Variants in GABRG3 observed in about 807,000 individuals in gnomAD.
The protein encoded by GABRG3 is gamma-aminobutyric acid receptor subunit gamma-3.
GABRG3 carries 25 observed loss-of-function variants against 48.8 expected under a neutral mutation model. That is an observed-to-expected ratio of 0.51 (90% CI 0.37 to 0.72). The LOEUF is 0.72. Among genes scored for constraint, GABRG3 ranks in the 30% least tolerant of loss-of-function variants. GABRG3 has a pLI of 0.00. For synonymous variants in GABRG3, 227 were observed against 217.6 expected, an observed-to-expected ratio of 1.04 and a Z score of -0.38; for missense variants, 394 against 577.9, an observed-to-expected ratio of 0.68 and a Z score of 3.26.
chr15:27,010,701 C>A (rs141781777), intron 2 of GABRG3, among the ~76,000 whole-genome samples: 49 of 152,260 alleles, frequency 3.2e-4, no homozygotes, highest in African/African-American at 1.2e-3. Context: ...CACCCATATC[C>A]CAAACTCCTG....
chr15:27,033,200 G>GT (rs2140688840), intron 3 of GABRG3, among the ~76,000 whole-genome samples: 1 of 151,114 alleles, frequency 6.6e-6, no homozygotes, highest in East Asian at 2.0e-4. Flanking sequence ...CTCTGTCCAG[G>GT]TTTTCACATT....
chr15:27,083,460 G>A (rs771482405), intron 3 of GABRG3, among the ~76,000 whole-genome samples: 4 of 151,640 alleles, frequency 2.6e-5, no homozygotes, highest in South Asian at 2.1e-4. Flanking sequence ...AGCCTCCTGA[G>A]TAGCTGGGAT....
intron 2 of GABRG3, among the ~76,000 whole-genome samples, chr15:26,987,541 T>C: frequency 6.6e-6 from 1 of 152,164 alleles, no homozygotes; most frequent in East Asian, 1.9e-4. Context: ...TAGGATATCA[T>C]GGTTTGAAGG....
At position 27,533,506 on chromosome 15, in the gene GABRG3, A is replaced by G. The variant is rs530131791; in HGVS notation, c.*625A>G. 1 of 152,372 alleles carries G rather than the reference A, an allele frequency of 6.6e-6. No homozygotes were observed. The highest frequency in any genetic ancestry group is 2.4e-5 in the African/African-American group (1 of 41,552). 9.4% of individuals were successfully genotyped at this position (152,372 alleles called of 1,614,324 possible). A position where few individuals can be genotyped will look rare whatever the true frequency, so the allele number is the denominator to read the frequency against. The stretch of plus-strand genomic sequence containing the variant: ...TACACTCGCATTGTCTACGGTTTCC[A>G]TTGGAGGAGAAAATAAGATTTTCAA... On this transcript the variant is annotated 3_prime_UTR_variant, in exon 10 of 10. Coordinates refer to ENST00000615808, the MANE Select transcript of GABRG3 (RefSeq NM_033223.5).
intron 5 of GABRG3, among the ~76,000 whole-genome samples, chr15:27,367,924 G>C (rs1184698116): frequency 6.6e-6 from 1 of 152,052 alleles, no homozygotes; most frequent in African/African-American, 2.4e-5. Flanking sequence ...AGGGCCCAGG[G>C]GAGTTGTAGG....
At chr15:27,008,198 G>C (rs1212799488) in intron 2 of GABRG3, among the ~76,000 whole-genome samples, 1 of 152,166 alleles carries the variant, frequency 6.6e-6, no homozygotes, top group East Asian at 1.9e-4. Flanking sequence ...TCCAGAATCA[G>C]TGTTGAAAAT....
intron 3 of GABRG3, among the ~76,000 whole-genome samples, chr15:27,290,997 A>T (rs1405421592): frequency 2.0e-5 from 3 of 152,246 alleles, no homozygotes; most frequent in African/African-American, 7.2e-5. Context: ...TTAAGAAAAT[A>T]AATAATAAGT....
At chr15:27,210,768 G>A (rs1426023160) in intron 3 of GABRG3, among the ~76,000 whole-genome samples, 1 of 152,168 alleles carries the variant, frequency 6.6e-6, no homozygotes, top group Non-Finnish European at 1.5e-5. Context: ...ATTCGAGCAG[G>A]CCCCTTTGGG....
intron 3 of GABRG3, among the ~76,000 whole-genome samples, chr15:27,081,025 C>T (rs1273447401): frequency 6.6e-6 from 1 of 152,148 alleles, no homozygotes; most frequent in Non-Finnish European, 1.5e-5. Context: ...GTGAAATGGT[C>T]CCTAACGGGT....
chr15:27,287,445 A>G (rs546697758), intron 3 of GABRG3, among the ~76,000 whole-genome samples: 1 of 152,320 alleles, frequency 6.6e-6, no homozygotes, highest in East Asian at 1.9e-4. Context: ...ATCTGACAAT[A>G]CCAAATATTG....
At chr15:27,033,781 C>T (rs1458188369) in intron 3 of GABRG3, among the ~76,000 whole-genome samples, 1 of 152,004 alleles carries the variant, frequency 6.6e-6, no homozygotes, top group Non-Finnish European at 1.5e-5. Context: ...AATTTTATTG[C>T]TGTCGTAGAT....
intron 5 of GABRG3, among the ~76,000 whole-genome samples, chr15:27,418,106 C>T (rs1410484016): frequency 6.6e-6 from 1 of 152,194 alleles, no homozygotes; most frequent in African/African-American, 2.4e-5. Flanking sequence ...ACTGAATGCT[C>T]ACAGGAGAAA....
At chr15:27,428,874 G>A (rs1421588935) in intron 5 of GABRG3, among the ~76,000 whole-genome samples, 1 of 152,158 alleles carries the variant, frequency 6.6e-6, no homozygotes, top group East Asian at 1.9e-4. Flanking sequence ...GTTTGCAAAT[G>A]GATTTCCTAT....
chr15:27,190,651 A>G (rs1353207884), intron 3 of GABRG3, among the ~76,000 whole-genome samples: 1 of 151,542 alleles, frequency 6.6e-6, no homozygotes, highest in Non-Finnish European at 1.5e-5. Context: ...CGGTCTATCA[A>G]TTTTGTTGAT....
chr15:26,999,143 A>C (rs563695025), intron 2 of GABRG3, among the ~76,000 whole-genome samples: 10 of 151,826 alleles, frequency 6.6e-5, no homozygotes, highest in East Asian at 3.9e-4. Context: ...AAAAAAAAAA[A>C]CACAATGAAA....
In GABRG3 at chr15:27,527,353, G is replaced by T. The variant is rs1236684846; in HGVS notation, c.866-80G>T. The stretch of plus-strand genomic sequence containing the variant: ...ATTCCTGTAAGGCAGCCGTGCTGGG[G>T]TGGAGGGATGTGGGTGACCGTCTGG... On this transcript the variant is annotated intron_variant, in intron 7 of 9. Transcript: ENST00000615808. The T allele has an allele frequency of 3.0e-6, 4 of 1,324,870 alleles. No individual in the cohort carries two copies. The African/African-American group carries it at 4.3e-5, about 14-fold the overall frequency. 82.1% of individuals were successfully genotyped at this position (1,324,870 alleles called of 1,614,324 possible).
At chr15:27,076,510 G>C (rs1001662527) in intron 3 of GABRG3, among the ~76,000 whole-genome samples, 6 of 151,920 alleles carry the variant, frequency 3.9e-5, no homozygotes, top group African/African-American at 1.5e-4. Context: ...ATTTTTAGTA[G>C]AGATGGGGTT....
At chr15:27,188,523 T>A (rs1888177939) in intron 3 of GABRG3, among the ~76,000 whole-genome samples, 1 of 151,852 alleles carries the variant, frequency 6.6e-6, no homozygotes, top group Admixed American at 6.6e-5. Flanking sequence ...CATAAATGTC[T>A]TCTTTTGAGA....
intron 3 of GABRG3, among the ~76,000 whole-genome samples, chr15:27,072,695 C>T (rs961853159): frequency 6.6e-6 from 1 of 152,202 alleles, no homozygotes; most frequent in African/African-American, 2.4e-5. Flanking sequence ...CAGCCCCTGG[C>T]TCCCAAGGTG....
Sources: allele counts gnomAD v4.1 joint callset (sites outside exome capture counted in the v4.1 genomes callset), GRCh38; gene constraint gnomAD v4.1.1; transcripts MANE v1.5; gene names NCBI Gene and HGNC (gene_info 2026-07-23, HGNC 2026-07-21).